KAT7: variants seen among roughly 807,000 people sequenced by gnomAD.
The protein encoded by KAT7 is lysine acetyltransferase 7.
In KAT7, 10 loss-of-function variants were observed where a neutral mutation model predicts 82.1. That is an observed-to-expected ratio of 0.12 (90% CI 0.08 to 0.21). The LOEUF (loss-of-function observed/expected upper bound fraction) is 0.21. Ranked by LOEUF, KAT7 falls within the 10% of genes least tolerant of loss-of-function variation. KAT7 has a pLI of 1.00. For missense variants in KAT7, 378 were observed against 760.9 expected, an observed-to-expected ratio of 0.50 and a Z score of 5.92; for synonymous variants, 250 against 262.5, an observed-to-expected ratio of 0.95 and a Z score of 0.46.
At chr17:49,792,870 G>A (rs1056316459) in intron 2 of KAT7, among the ~76,000 whole-genome samples, 1 of 152,078 alleles carries the variant, frequency 6.6e-6, no homozygotes, top group East Asian at 1.9e-4. Flanking sequence ...GGAGTGCAGT[G>A]GTGTGATCTT....
rs937428180 is a variant in KAT7, at chr17:49,832,463, G to T, written c.*4961G>T. The T allele has an allele frequency of 9.9e-5, 15 of 152,108 alleles. No homozygotes were observed. The highest frequency in any genetic ancestry group is 3.6e-4 in the African/African-American group (15 of 41,402). 9.4% of individuals were successfully genotyped at this position (152,108 alleles called of 1,614,324 possible). A position where few individuals can be genotyped will look rare whatever the true frequency, so the allele number is the denominator to read the frequency against. The stretch of plus-strand genomic sequence containing the variant: ...TTCTGTCCTTGAGACTCTAATTAAA[G>T]CACTGGATTTTTAAAAATCACCCTT... On this transcript the variant is annotated 3_prime_UTR_variant, in exon 15 of 15. Transcript: ENST00000259021.
chr17:49,798,386 T>G lies in KAT7; in HGVS notation c.408T>G (p.Ser136=). The G allele has an allele frequency of 6.2e-7, 1 of 1,614,240 alleles. No homozygotes were observed. The highest frequency in any genetic ancestry group is 8.5e-7 in the Non-Finnish European group (1 of 1,180,030). Residue 136 remains serine (S), a synonymous_variant, in exon 4 of 15, where the codon TCT becomes TCG. Transcript: ENST00000259021. ...CTCCAACTGGAAATGCGCCTTCTTC[T>G]GAGTCTGACATAGACATCTCCAGCC... ...PRTPTGNAPS[S]ESDIDISSPN...
intron 5 of KAT7, among the ~76,000 whole-genome samples, chr17:49,806,649 T>C (rs2074095227): frequency 6.6e-6 from 1 of 152,262 alleles, no homozygotes; most frequent in African/African-American, 2.4e-5. Flanking sequence ...AATGATCTGA[T>C]ACTATGGATG....
intron 4 of KAT7, among the ~76,000 whole-genome samples, chr17:49,801,446 GT>G (rs2074023617): frequency 6.6e-6 from 1 of 151,980 alleles, no homozygotes; most frequent in Non-Finnish European, 1.5e-5. Context: ...TTTGACTTTG[GT>G]TTTAATGTAT....
chr17:49,815,495 A>G (rs1467689934), intron 7 of KAT7: 1 of 218,922 alleles, frequency 4.6e-6, no homozygotes, highest in African/African-American at 2.3e-5. Context: ...TTGTACTGTC[A>G]TGTAAATTTT....
At chr17:49,794,169 T>C (rs564593789) in intron 2 of KAT7, among the ~76,000 whole-genome samples, 6 of 152,308 alleles carry the variant, frequency 3.9e-5, no homozygotes, top group East Asian at 3.9e-4. Context: ...GATACAGATA[T>C]GAAAATTGAT....
Position 49,831,492 on chromosome 17 carries a change from A to G in KAT7, c.*3990A>G, listed in dbSNP as rs1598097250. On this transcript the variant is annotated 3_prime_UTR_variant, in exon 15 of 15. Transcript: ENST00000259021. Reference sequence around the variant, plus strand: ...GGTGGATATTATAGTCTTCTTCTAGATGAAAAATTGAGGCTCATAGTGGTC... The same window carrying G: ...GGTGGATATTATAGTCTTCTTCTAGGTGAAAAATTGAGGCTCATAGTGGTC... 6.6e-6 allele frequency: 1 copy of G among 152,246 alleles called. No homozygotes were observed. The highest frequency in any genetic ancestry group is 1.9e-4 in the East Asian group (1 of 5,184). The allele number at this position is 152,246 out of a possible 1,614,324, so 9.4% of individuals were successfully genotyped here.
chr17:49,822,939 T>G lies in KAT7; in HGVS notation c.1387-263T>G, dbSNP rs560311276. 8.5e-5 allele frequency among the ~76,000 whole-genome samples: 13 copies of G among 152,330 alleles called. No homozygotes were observed. In the East Asian group the frequency reaches 1.9e-3, roughly 23 times the overall value. On this transcript the variant is annotated intron_variant, in intron 11 of 14. Coordinates refer to ENST00000259021, the MANE Select transcript of KAT7 (RefSeq NM_007067.5). ...TACTGAGTCAGCAGTCTTAAACTTC[T>G]TGCCCTACTCTGTGGCTGTCAGGAG...
At chr17:49,803,148 G>T (rs914266620) in intron 4 of KAT7, among the ~76,000 whole-genome samples, 3 of 150,604 alleles carry the variant, frequency 2.0e-5, no homozygotes, top group African/African-American at 7.4e-5. Flanking sequence ...TTGCTCTGTT[G>T]CCCAGGCTGG....
chr17:49,797,006 C>A, intron 3 of KAT7, 80 bp downstream of exon 3: 1 of 1,099,474 alleles, frequency 9.1e-7, no homozygotes, highest in Non-Finnish European at 1.4e-6. Context: ...GGGGCCACTG[C>A]AGGTAGATGC....
At chr17:49,811,619 A>G in intron 7 of KAT7, 45 bp downstream of exon 7, 1 of 979,328 alleles carries the variant, frequency 1.0e-6, no homozygotes, top group Non-Finnish European at 1.5e-6. Flanking sequence ...TCCTGCTATC[A>G]CATTTGATTC....
Position 49,821,805 on chromosome 17 carries a change from G to T in KAT7, c.1386+15G>T. 1 of 1,613,524 alleles carries T rather than the reference G, an allele frequency of 6.2e-7. No homozygotes were observed. The highest frequency in any genetic ancestry group is 1.1e-5 in the South Asian group (1 of 91,048). ...ATTTTTCTAAGGTAAGCAGGATCTG[G>T]AGATTAAGAAGCCAATGGCCAGAGC... is the stretch of plus-strand genomic sequence containing the variant. On this transcript the variant is annotated intron_variant, in intron 11 of 14. Coordinates refer to ENST00000259021, the MANE Select transcript of KAT7 (RefSeq NM_007067.5).
Position 49,801,748 on chromosome 17 carries a change from C to T in KAT7, c.580+3190C>T, listed in dbSNP as rs2074027378. ...CAAGTGACCCTCCCACCTCAGCCTC[C>T]CAAAGTGTTGGGATTACAGGCGTGA... On this transcript the variant is annotated intron_variant, in intron 4 of 14. Coordinates refer to ENST00000259021, the MANE Select transcript of KAT7 (RefSeq NM_007067.5). 2.0e-5 allele frequency among the ~76,000 whole-genome samples: 3 copies of T among 152,200 alleles called. 1 individual carries two copies. The highest frequency in any genetic ancestry group is 2.0e-4 in the Admixed American group (3 of 15,292).
intron 5 of KAT7, 55 bp downstream of exon 5, chr17:49,805,500 AG>A: frequency 7.4e-7 from 1 of 1,354,836 alleles, no homozygotes; most frequent in East Asian, 2.3e-5. Flanking sequence ...ACCGTTTGCC[AG>A]GCACTTTGCT....
At chr17:49,793,870 T>C (rs1391402182) in intron 2 of KAT7, among the ~76,000 whole-genome samples, 1 of 152,132 alleles carries the variant, frequency 6.6e-6, no homozygotes, top group Non-Finnish European at 1.5e-5. Context: ...CGCGCCCTGC[T>C]GCTTTGGTCA....
At position 49,834,126 on chromosome 17, in the gene KAT7, T is replaced by TG. The variant is rs2074444588; in HGVS notation, c.*6624_*6625insG. The TG allele has an allele frequency of 6.6e-6, 1 of 152,224 alleles. No individual in the cohort carries two copies. The highest frequency in any genetic ancestry group is 1.5e-5 in the Non-Finnish European group (1 of 68,044). 9.4% of individuals were successfully genotyped at this position (152,224 alleles called of 1,614,324 possible). ...GGATCAGGAAAACTGAAGAATATCC[T>TG]TCTGTATGTATGTATGTATTTATTG... On this transcript the variant is annotated 3_prime_UTR_variant, in exon 15 of 15. Coordinates refer to ENST00000259021, the MANE Select transcript of KAT7 (RefSeq NM_007067.5).
intron 13 of KAT7, 198 bp downstream of exon 13, chr17:49,826,344 G>C (rs1266697901): frequency 1.1e-5 from 6 of 544,480 alleles, no homozygotes; most frequent in African/African-American, 1.9e-5. Flanking sequence ...ATCCAGAGTT[G>C]CCAACACTTT....
At chr17:49,827,161 TATTTC>T (rs762194166) in intron 14 of KAT7, 6 of 493,550 alleles carry the variant, frequency 1.2e-5, no homozygotes, top group Non-Finnish European at 2.1e-5. Flanking sequence ...TTTTTTAAAT[TATTTC>T]ATATATACAA....
intron 4 of KAT7, among the ~76,000 whole-genome samples, chr17:49,801,270 G>A (rs1449175217): frequency 6.6e-6 from 1 of 151,938 alleles, no homozygotes; most frequent in Non-Finnish European, 1.5e-5. Flanking sequence ...TGCAACTTCC[G>A]CCTCCCGGGC....
Sources: gnomAD v4.1 joint callset for allele counts (sites outside exome capture counted in the v4.1 genomes callset) on GRCh38, gnomAD v4.1.1 for gene constraint, MANE v1.5 for transcripts, NCBI Gene and HGNC (gene_info 2026-07-23, HGNC 2026-07-21) for gene names.